The following EFCAB6 variants were observed in gnomAD, a reference collection of about 807,000 sequenced individuals.
EFCAB6 encodes the protein EF-hand calcium-binding domain-containing protein 6.
EFCAB6 carries 156 observed loss-of-function variants against 169.8 expected under a neutral mutation model. That is an observed-to-expected ratio of 0.92 (90% CI 0.81 to 1.05). EFCAB6 has a LOEUF of 1.05. Ranked by LOEUF, EFCAB6 falls within the 50% of genes least tolerant of loss-of-function variation. The pLI is 0.00. For missense variants in EFCAB6, 1,800 were observed against 1,829.1 expected (o/e 0.98, Z 0.29); for synonymous variants, 698 against 676.4 (o/e 1.03, Z -0.50).
chr22:43,565,625 A>G (rs2049372611), intron 26 of EFCAB6, among the ~76,000 whole-genome samples: 1 of 152,244 alleles, frequency 6.6e-6, no homozygotes, highest in Non-Finnish European at 1.5e-5. Context: ...GCTAGACTAG[A>G]AATATATCTG....
chr22:43,555,398 C>G (rs1386020308), intron 26 of EFCAB6, among the ~76,000 whole-genome samples: 1 of 152,204 alleles, frequency 6.6e-6, no homozygotes, highest in Non-Finnish European at 1.5e-5. Context: ...ACCGTTTACT[C>G]TCATCTATTC....
In EFCAB6 at chr22:43,632,161, T is replaced by A. The variant is rs549406973; in HGVS notation, c.2176A>T (p.Ile726Phe). 3.1e-6 allele frequency: 5 copies of A among 1,614,216 alleles called. No homozygotes were observed. In the South Asian group the frequency reaches 5.5e-5, roughly 18 times the overall value. Residue 726 changes from isoleucine to phenylalanine, a missense_variant, in exon 19 of 32, where the codon ATC becomes TTC. Transcript: ENST00000262726. The part of the protein sequence containing the change: ...PSKSYVNSHF[I>F]TAEECLKLFP... ...AGCTTCAGGCATTCTTCTGCGGTGA[T>A]AAAGTGGCTGTTCACGTAACTTTTT... is the stretch of plus-strand genomic sequence containing the variant.
At chr22:43,796,014 C>T (rs1417153891) in intron 2 of EFCAB6, among the ~76,000 whole-genome samples, 1 of 149,948 alleles carries the variant, frequency 6.7e-6, no homozygotes, top group Non-Finnish European at 1.5e-5. Context: ...ACACACACAC[C>T]ACAGACCACT....
At chr22:43,774,333 T>C (rs2061569639) in intron 3 of EFCAB6, among the ~76,000 whole-genome samples, 1 of 150,186 alleles carries the variant, frequency 6.7e-6, no homozygotes, top group Admixed American at 6.6e-5. Flanking sequence ...GTCTTCTGCT[T>C]GAGGGGATAC....
chr22:43,609,606 T>C (rs1198101821), intron 21 of EFCAB6, among the ~76,000 whole-genome samples: 1 of 152,176 alleles, frequency 6.6e-6, no homozygotes, highest in East Asian at 1.9e-4. Context: ...ATCTGAGACA[T>C]CCTTTATACA....
intron 6 of EFCAB6, among the ~76,000 whole-genome samples, chr22:43,749,110 C>T (rs928386335): frequency 6.6e-6 from 1 of 152,082 alleles, no homozygotes; most frequent in African/African-American, 2.4e-5. Flanking sequence ...GTTCAGGATA[C>T]AGTAGACATA....
intron 17 of EFCAB6, among the ~76,000 whole-genome samples, chr22:43,644,910 T>C (rs1475307113): frequency 6.6e-6 from 1 of 152,244 alleles, no homozygotes; most frequent in Non-Finnish European, 1.5e-5. Flanking sequence ...TGTAGTTAAT[T>C]GCAATTTAAA....
chr22:43,710,494 G>A (rs1295590930), intron 10 of EFCAB6, among the ~76,000 whole-genome samples: 1 of 152,176 alleles, frequency 6.6e-6, no homozygotes, highest in African/African-American at 2.4e-5. Context: ...GGATGCCAGG[G>A]AACCAGCTCA....
At chr22:43,763,608 AT>A (rs1196353477) in intron 5 of EFCAB6, among the ~76,000 whole-genome samples, 1 of 152,046 alleles carries the variant, frequency 6.6e-6, no homozygotes, top group African/African-American at 2.4e-5. Context: ...ATCAAATTTA[AT>A]TTTTTTAATC....
intron 18 of EFCAB6, among the ~76,000 whole-genome samples, chr22:43,634,535 C>G (rs568714888): frequency 6.6e-4 from 101 of 152,154 alleles, no homozygotes; most frequent in Non-Finnish European, 1.2e-3. Flanking sequence ...ATTGAGATAT[C>G]TGTGTGATTT....
chr22:43,572,285 CT>C lies in EFCAB6; in HGVS notation c.3420+4011del, dbSNP rs2049936588. Among the ~76,000 whole-genome samples the C allele has an allele frequency of 6.6e-6, 1 of 152,156 alleles. No individual in the cohort carries two copies. Among genetic ancestry groups the C allele is most frequent in the Non-Finnish European group, 1.5e-5 (1 of 68,024 alleles). On this transcript the variant is annotated intron_variant, in intron 26 of 31. Transcript: ENST00000262726. This position sits in a 1 kb window ranked among gnomAD's most constrained non-coding sequence, Gnocchi z 4.0. The stretch of plus-strand genomic sequence containing the variant: ...GGAGGCAAGCTGACAGCACATAAAG[CT>C]TTAGGAATGTTCTCTCCTTGGTCCA...
At chr22:43,754,164 A>G (rs1002986276) in intron 6 of EFCAB6, among the ~76,000 whole-genome samples, 4 of 152,252 alleles carry the variant, frequency 2.6e-5, no homozygotes, top group Non-Finnish European at 5.9e-5. Context: ...AGGAAGCTGT[A>G]GGGATAAGCA....
At chr22:43,684,102 G>A (rs947352083) in intron 11 of EFCAB6, among the ~76,000 whole-genome samples, 2 of 152,128 alleles carry the variant, frequency 1.3e-5, no homozygotes, top group South Asian at 2.1e-4. Flanking sequence ...CCAACTCATC[G>A]GCCATCTTGC....
intron 12 of EFCAB6, 71 bp from the exon 13 acceptor site, chr22:43,678,234 T>C: frequency 1.4e-6 from 2 of 1,449,058 alleles, no homozygotes; most frequent in Non-Finnish European, 1.9e-6. Context: ...GTTATGTATG[T>C]TTAGCATCAT....
chr22:43,635,530 T>C (rs1320955035), intron 17 of EFCAB6, among the ~76,000 whole-genome samples: 1 of 152,208 alleles, frequency 6.6e-6, no homozygotes, highest in Non-Finnish European at 1.5e-5. Context: ...CACTTGTCAC[T>C]GCCATGGCTT....
rs774904982 is a variant in EFCAB6 at position 43,615,842 on chromosome 22, C to A, written c.2546G>T (p.Trp849Leu). The change falls in exon 21 of 32, where the codon TGG (tryptophan) becomes TTG (leucine). Residue 849 changes from tryptophan to leucine, a missense_variant. Transcript: ENST00000262726. ...QYLVTKAKNR[W>L]SDLSKNFLET... is the part of the protein sequence containing the mutation. ...TTTTCTTACCTTAGACAAGTCTGAC[C>A]ATCTGTTTTTTGCTTTGGTAACAAG... The A allele has an allele frequency of 6.2e-7, 1 of 1,613,082 alleles. No homozygotes were observed. The highest frequency in any genetic ancestry group is 8.5e-7 in the Non-Finnish European group (1 of 1,179,600).
intron 3 of EFCAB6, among the ~76,000 whole-genome samples, chr22:43,774,463 C>T (rs980643974): frequency 6.6e-6 from 1 of 151,584 alleles, no homozygotes; most frequent in East Asian, 2.0e-4. Context: ...ACAGGGACTG[C>T]GCTGCCATCG....
At chr22:43,735,101 G>A (rs960642903) in intron 7 of EFCAB6, among the ~76,000 whole-genome samples, 6 of 152,090 alleles carry the variant, frequency 3.9e-5, no homozygotes, top group African/African-American at 9.7e-5. Context: ...AGCTAGACAC[G>A]GGCCCATCTT....
chr22:43,589,046 T>C (rs775096160), intron 24 of EFCAB6, among the ~76,000 whole-genome samples: 7 of 151,950 alleles, frequency 4.6e-5, no homozygotes, highest in Non-Finnish European at 8.8e-5. Flanking sequence ...TAAACCCACA[T>C]TTTCTTGGTA....
Sources: gnomAD v4.1 joint callset for allele counts (sites outside exome capture counted in the v4.1 genomes callset) on GRCh38, gnomAD v4.1.1 for gene constraint, Gnocchi (gnomAD v3.1) non-coding constraint, MANE v1.5 for transcripts, NCBI Gene and HGNC (gene_info 2026-07-23, HGNC 2026-07-21) for gene names.